The following FANK1 variants were observed in gnomAD, a reference collection of about 807,000 sequenced individuals.
FANK1 encodes the protein fibronectin type III and ankyrin repeat domains 1.
FANK1 carries 44 observed loss-of-function variants against 45.3 expected under a neutral mutation model. That is an observed-to-expected ratio of 0.97 (90% CI 0.76 to 1.25). The LOEUF (loss-of-function observed/expected upper bound fraction) is 1.25, where lower values mean the gene tolerates loss of function less well. Among genes scored for constraint, FANK1 ranks in the 50% most tolerant of loss-of-function variants. FANK1 has a pLI of 0.00. For synonymous variants in FANK1, 149 were observed against 152.5 expected (o/e 0.98, Z 0.17); for missense variants, 391 against 424.4 (o/e 0.92, Z 0.69).
intron 1 of FANK1, among the ~76,000 whole-genome samples, chr10:125,906,821 T>A (rs1354614412): frequency 6.6e-6 from 1 of 152,204 alleles, no homozygotes; most frequent in Non-Finnish European, 1.5e-5. Flanking sequence ...TGGTCTCTAT[T>A]CAAACATTGT....
intron 4 of FANK1, 144 bp downstream of exon 4, chr10:125,995,642 T>C: frequency 1.5e-6 from 1 of 679,018 alleles, no homozygotes; most frequent in Non-Finnish European, 2.6e-6. Flanking sequence ...CTGGTGTGAG[T>C]TAATAAACCA....
At chr10:125,930,150 G>A (rs992085511) in intron 1 of FANK1, among the ~76,000 whole-genome samples, 12 of 151,980 alleles carry the variant, frequency 7.9e-5, no homozygotes, top group African/African-American at 2.4e-4. Flanking sequence ...CGCCTCCTGG[G>A]TTCAAGCGAT....
At chr10:125,991,271 G>GTT (rs755678106) in intron 3 of FANK1, among the ~76,000 whole-genome samples, 3 of 149,606 alleles carry the variant, frequency 2.0e-5, no homozygotes, top group Admixed American at 2.0e-4. Flanking sequence ...GTGTGTGTGT[G>GTT]TGTGTGTTGG....
chr10:125,985,440 A>G (rs1951490033), intron 2 of FANK1, among the ~76,000 whole-genome samples: 1 of 152,160 alleles, frequency 6.6e-6, no homozygotes, highest in African/African-American at 2.4e-5. Context: ...TAAAAAAATT[A>G]TTACTTTTTA....
chr10:126,009,104 A>AG lies in FANK1; in HGVS notation c.904dup (p.Ala302GlyfsTer8). ...AGTTAGTTCAGTTACTTCTTGACAA[A>AG]GGGGCAGATGCAAGTGTAAAAAATG... On this transcript the variant is annotated frameshift_variant, in exon 9 of 11. Coordinates refer to ENST00000368693, the MANE Select transcript of FANK1 (RefSeq NM_145235.5). LOFTEE classifies it high-confidence loss of function. 11 of 1,614,214 alleles carry AG rather than the reference A, an allele frequency of 6.8e-6. No individual in the cohort carries two copies. Among genetic ancestry groups the AG allele is most frequent in the Non-Finnish European group, 8.5e-6 (10 of 1,180,046 alleles).
intron 1 of FANK1, among the ~76,000 whole-genome samples, chr10:125,954,628 TAGAG>T (rs1949461003): frequency 6.6e-6 from 1 of 151,986 alleles, no homozygotes; most frequent in Non-Finnish European, 1.5e-5. Context: ...TTTAAAAAAA[TAGAG>T]AAAGGGGTCA....
chr10:125,952,099 A>C (rs1949272673), intron 1 of FANK1, among the ~76,000 whole-genome samples: 2 of 152,170 alleles, frequency 1.3e-5, no homozygotes, highest in Admixed American at 6.6e-5. Flanking sequence ...TAAATCAGGC[A>C]GCCTCATCCC....
chr10:125,914,157 G>A (rs1946255485), intron 1 of FANK1, among the ~76,000 whole-genome samples: 1 of 151,970 alleles, frequency 6.6e-6, no homozygotes, highest in Non-Finnish European at 1.5e-5. Flanking sequence ...AACTTCCTAT[G>A]GACATTAGAT....
At chr10:126,005,572 T>C (rs1487189790) in intron 7 of FANK1, among the ~76,000 whole-genome samples, 1 of 152,224 alleles carries the variant, frequency 6.6e-6, no homozygotes, top group Non-Finnish European at 1.5e-5. Flanking sequence ...CCTCCCAAAG[T>C]GCTGGGATTA....
chr10:125,984,482 G>A (rs1951428966), intron 2 of FANK1, among the ~76,000 whole-genome samples: 1 of 152,192 alleles, frequency 6.6e-6, no homozygotes. Context: ...GGCACCCAGG[G>A]TCTGGCCTGA....
At chr10:125,969,435 A>C (rs1398552244) in intron 1 of FANK1, among the ~76,000 whole-genome samples, 1 of 152,124 alleles carries the variant, frequency 6.6e-6, no homozygotes, top group Non-Finnish European at 1.5e-5. Flanking sequence ...TATAAAAAGT[A>C]GCATGTAAGT....
intron 1 of FANK1, among the ~76,000 whole-genome samples, chr10:125,943,886 C>T (rs1948609204): frequency 6.6e-6 from 1 of 152,146 alleles, no homozygotes. Flanking sequence ...GGCAGCTTTC[C>T]CAGGGATAAC....
At chr10:125,956,829 A>G (rs1949606980) in intron 1 of FANK1, among the ~76,000 whole-genome samples, 1 of 152,172 alleles carries the variant, frequency 6.6e-6, no homozygotes, top group Non-Finnish European at 1.5e-5. Context: ...GATTTGTATA[A>G]TAAGGGCGAG....
At chr10:125,913,381 A>G (rs1946188157) in intron 1 of FANK1, among the ~76,000 whole-genome samples, 1 of 152,170 alleles carries the variant, frequency 6.6e-6, no homozygotes, top group Admixed American at 6.5e-5. Flanking sequence ...ACCCTTTAGC[A>G]GTCGGCCAAA....
chr10:125,947,219 A>C (rs1209147032), intron 1 of FANK1, among the ~76,000 whole-genome samples: 7 of 152,034 alleles, frequency 4.6e-5, no homozygotes, highest in Non-Finnish European at 8.8e-5. Context: ...CAAGCAAAAT[A>C]ACCAGCTAAC....
intron 3 of FANK1, among the ~76,000 whole-genome samples, chr10:125,994,152 G>A (rs1170461947): frequency 6.7e-6 from 1 of 150,210 alleles, no homozygotes; most frequent in Non-Finnish European, 1.5e-5. Flanking sequence ...GTGGCGTAGG[G>A]TGCAGTGGGG....
chr10:125,957,548 G>A (rs768815075), intron 1 of FANK1, among the ~76,000 whole-genome samples: 2 of 151,308 alleles, frequency 1.3e-5, no homozygotes, highest in Non-Finnish European at 2.9e-5. Flanking sequence ...TTTTTGAGAC[G>A]GAGTCTTGCT....
intron 1 of FANK1, among the ~76,000 whole-genome samples, chr10:125,967,063 A>T (rs1950234977): frequency 1.3e-5 from 2 of 152,208 alleles, no homozygotes; most frequent in South Asian, 4.1e-4. Flanking sequence ...TCTTGTATAT[A>T]AATAATGTAC....
chr10:126,008,275 G>C (rs1188435777), intron 7 of FANK1, 132 bp from the exon 8 acceptor site: 1 of 1,247,940 alleles, frequency 8.0e-7, no homozygotes, highest in Non-Finnish European at 1.1e-6. Flanking sequence ...TTAGCACAGT[G>C]CAATGAACCA....
Sources: gnomAD v4.1 joint callset for allele counts (sites outside exome capture counted in the v4.1 genomes callset) on GRCh38, gnomAD v4.1.1 for gene constraint, MANE v1.5 for transcripts, NCBI Gene and HGNC (gene_info 2026-07-23, HGNC 2026-07-21) for gene names.